Variants in CNTLN observed in about 807,000 individuals in gnomAD.
CNTLN encodes centlein.
CNTLN carries 212 observed loss-of-function variants against 180.0 expected under a neutral mutation model. The ratio of observed to expected loss-of-function variants is 1.18; its 90% CI spans 1.05 to 1.32. The LOEUF is 1.32. Ranked by LOEUF, CNTLN falls within the 40% of genes most tolerant of loss-of-function variation. The pLI is 0.00. For synonymous variants in CNTLN, 722 were observed against 563.1 expected (o/e 1.28, Z -3.99); for missense variants, 2,095 against 1,610.9 (o/e 1.30, Z -5.14).
At chr9:17,368,776 C>G (rs1255184569) in intron 13 of CNTLN, among the ~76,000 whole-genome samples, 1 of 152,146 alleles carries the variant, frequency 6.6e-6, no homozygotes, top group African/African-American at 2.4e-5. Context: ...CGGCAAGAAC[C>G]CCAGTCTTAC....
chr9:17,356,063 CAAAAA>C (rs71492915), intron 12 of CNTLN, among the ~76,000 whole-genome samples: 1 of 19,598 alleles, frequency 5.1e-5, no homozygotes. Flanking sequence ...GACTCCATCT[CAAAAA>C]AAAAAAAAAA....
rs1242566972 is a variant in CNTLN at position 17,416,177 on chromosome 9, G to T, written c.3102G>T (p.Arg1034Ser). 6.2e-7 allele frequency: 1 copy of T among 1,612,308 alleles called. No homozygotes were observed. Among genetic ancestry groups the T allele is most frequent in the South Asian group, 1.1e-5 (1 of 90,828 alleles). ...QVSDQRFQTS[R>S]QTIKKLNLDL... ...CCGATCAACGATTTCAGACAAGCAG[G>T]CAGACAATAAAGGTAAAGAGAACTT... The change falls in exon 18 of 26, where the codon AGG becomes AGT. Residue 1034 changes from arginine to serine, a missense_variant. Physicochemically the swap from Arg to Ser is moderately radical, Grantham distance 110. Coordinates refer to ENST00000380647, the MANE Select transcript of CNTLN (RefSeq NM_017738.4).
chr9:17,241,980 T>A (rs536937621), intron 5 of CNTLN, among the ~76,000 whole-genome samples: 3 of 152,332 alleles, frequency 2.0e-5, no homozygotes, highest in African/African-American at 7.2e-5. Flanking sequence ...AATATAAGAT[T>A]ATATCATTGG....
intron 18 of CNTLN, among the ~76,000 whole-genome samples, chr9:17,423,058 T>A (rs1828832110): frequency 6.6e-6 from 1 of 152,184 alleles, no homozygotes; most frequent in East Asian, 1.9e-4. Flanking sequence ...TCCCTCACTT[T>A]GCCCCAAACA....
intron 6 of CNTLN, among the ~76,000 whole-genome samples, chr9:17,281,138 T>C (rs551737999): frequency 5.9e-5 from 9 of 152,328 alleles, no homozygotes; most frequent in African/African-American, 2.2e-4. Context: ...TTTGTACTTT[T>C]TCTTCACTTT....
chr9:17,466,772 A>G lies in CNTLN; in HGVS notation c.3736A>G (p.Thr1246Ala). The G allele has an allele frequency of 1.2e-6, 2 of 1,610,926 alleles. No homozygotes were observed. Among genetic ancestry groups the G allele is most frequent in the Non-Finnish European group, 1.7e-6 (2 of 1,177,962 alleles). ...ETESAMAEIE[T>A]AASKQLQELA... is the part of the protein sequence containing the mutation. ...TGAATCTGCAATGGCAGAAATTGAAACAGCAGCATCTAAGCAGCTTCAAGA... is the reference window on the plus strand; with the variant it reads ...TGAATCTGCAATGGCAGAAATTGAAGCAGCAGCATCTAAGCAGCTTCAAGA... The change falls in exon 23 of 26, where the codon ACA (threonine) becomes GCA (alanine). Residue 1246 changes from threonine to alanine, a missense_variant. Thr to Ala is a moderately conservative substitution (Grantham distance 58). Transcript: ENST00000380647.
intron 5 of CNTLN, among the ~76,000 whole-genome samples, chr9:17,242,174 G>T (rs550534007): frequency 1.3e-5 from 2 of 152,162 alleles, no homozygotes; most frequent in African/African-American, 4.8e-5. Context: ...CTAGCTTCTG[G>T]GCTGTCATTT....
chr9:17,187,001 G>C (rs1174623476), intron 2 of CNTLN, among the ~76,000 whole-genome samples: 3 of 151,816 alleles, frequency 2.0e-5, no homozygotes. Flanking sequence ...TGGATTGTTT[G>C]GTTCTTGATA....
intron 2 of CNTLN, among the ~76,000 whole-genome samples, chr9:17,174,845 TCTG>T: frequency 6.6e-6 from 1 of 152,370 alleles, no homozygotes; most frequent in African/African-American, 2.4e-5. Flanking sequence ...TTTTAGCCAT[TCTG>T]CTGATGTATA....
intron 6 of CNTLN, among the ~76,000 whole-genome samples, chr9:17,279,626 G>GTT (rs78373194): frequency 1.4e-5 from 2 of 144,208 alleles, no homozygotes; most frequent in Admixed American, 7.0e-5. Flanking sequence ...AAGGTGTCAG[G>GTT]TTTTTTTTTT....
At chr9:17,351,941 A>G (rs1170229608) in intron 12 of CNTLN, among the ~76,000 whole-genome samples, 1 of 152,146 alleles carries the variant, frequency 6.6e-6, no homozygotes, top group African/African-American at 2.4e-5. Context: ...AAAAATAAGT[A>G]TGAGAATGCA....
At chr9:17,490,921 A>G (rs527990700) in intron 25 of CNTLN, among the ~76,000 whole-genome samples, 1 of 152,234 alleles carries the variant, frequency 6.6e-6, no homozygotes, top group Admixed American at 6.6e-5. Context: ...TGAGTAAATG[A>G]TATAAATATT....
intron 6 of CNTLN, among the ~76,000 whole-genome samples, chr9:17,277,427 T>C (rs2132548084): frequency 1.3e-5 from 2 of 152,260 alleles, no homozygotes; most frequent in South Asian, 2.1e-4. Context: ...TTTTCTCAGA[T>C]GCTTAGCAGA....
intron 25 of CNTLN, among the ~76,000 whole-genome samples, chr9:17,500,163 C>G (rs1833666718): frequency 1.3e-5 from 2 of 152,106 alleles, no homozygotes; most frequent in South Asian, 4.1e-4. Flanking sequence ...TTAAAGGAAG[C>G]TTATAATCTA....
rs199603519 is a variant in CNTLN, at chr9:17,192,496, CA to C, written c.450-33704del. On this transcript the variant is annotated intron_variant, in intron 2 of 25. Transcript: ENST00000380647. ...TCGTGATCCACCCACCTCAGCCTCCCAAAGTGCTGGGATTACAGGCGTGAGC... is the reference window on the plus strand; with the variant it reads ...TCGTGATCCACCCACCTCAGCCTCCCAAGTGCTGGGATTACAGGCGTGAGC... 0.012 allele frequency among the ~76,000 whole-genome samples: 1,792 copies of C among 150,846 alleles called. 71 individuals are homozygous for C. In the East Asian group the frequency reaches 0.13, roughly 11 times the overall value.
chr9:17,353,693 G>A (rs941504421), intron 12 of CNTLN, among the ~76,000 whole-genome samples: 2 of 151,554 alleles, frequency 1.3e-5, no homozygotes, highest in Non-Finnish European at 2.9e-5. Context: ...TCTGCCTCTT[G>A]GTTTCAAGCA....
At chr9:17,480,142 G>A (rs1029981810) in intron 23 of CNTLN, among the ~76,000 whole-genome samples, 2 of 152,038 alleles carry the variant, frequency 1.3e-5, no homozygotes, top group Admixed American at 1.3e-4. Context: ...AGTGAGCTAT[G>A]ATTACACCAC....
rs1054478149 is a variant in CNTLN, at chr9:17,361,364, G to T, written c.1887-5253G>T. On this transcript the variant is annotated intron_variant, in intron 12 of 25. Transcript: ENST00000380647. ...CTCTACTCATTAGAATGACCCATCTGTGTTCTCTATTGAATGCCTCTGATG... is the reference window on the plus strand; with the variant it reads ...CTCTACTCATTAGAATGACCCATCTTTGTTCTCTATTGAATGCCTCTGATG... Among the ~76,000 whole-genome samples, 53 of 152,230 alleles carry T rather than the reference G, an allele frequency of 3.5e-4. 1 individual carries two copies. The highest frequency in any genetic ancestry group is 1.3e-3 in the African/African-American group (53 of 41,544).
At chr9:17,358,767 C>G (rs1436437282) in intron 12 of CNTLN, among the ~76,000 whole-genome samples, 2 of 152,066 alleles carry the variant, frequency 1.3e-5, no homozygotes, top group Admixed American at 6.5e-5. Context: ...AGAATGCTCA[C>G]TACAGCATTG....
Sources: gnomAD v4.1 joint callset for allele counts (sites outside exome capture counted in the v4.1 genomes callset) on GRCh38, gnomAD v4.1.1 for gene constraint, MANE v1.5 for transcripts, NCBI Gene and HGNC (gene_info 2026-07-23, HGNC 2026-07-21) for gene names.